Variants in BRD4 observed in about 807,000 individuals in gnomAD.
The protein encoded by BRD4 is bromodomain containing 4.
Under a neutral mutation model 142.1 loss-of-function variants are expected in BRD4, and 16 were observed. The ratio of observed to expected loss-of-function variants is 0.11; its 90% confidence interval spans 0.08 to 0.17. BRD4 has a LOEUF of 0.17. BRD4 is among the 10% of genes least tolerant of loss of function. The pLI is 1.00. For missense variants in BRD4, 1,424 were observed against 1,810.9 expected (o/e 0.79, Z 3.88); for synonymous variants, 833 against 707.5 (o/e 1.18, Z -2.82).
intron 1 of BRD4, among the ~76,000 whole-genome samples, chr19:15,306,310 C>T (rs1448681354): frequency 6.6e-6 from 1 of 152,188 alleles, no homozygotes; most frequent in African/African-American, 2.4e-5. Context: ...GCTCTGTCAT[C>T]CAGGCTGGAG....
At chr19:15,312,657 T>C (rs1460407707) in intron 1 of BRD4, among the ~76,000 whole-genome samples, 1 of 149,964 alleles carries the variant, frequency 6.7e-6, no homozygotes. Context: ...AAAAACAGGC[T>C]GTGCACGGTG....
chr19:15,255,764 G>T (rs1386843909), intron 9 of BRD4, among the ~76,000 whole-genome samples, 172 bp from the exon 10 acceptor site: 1 of 152,230 alleles, frequency 6.6e-6, no homozygotes, highest in Non-Finnish European at 1.5e-5. Context: ...ACCCAGTGGA[G>T]ACCGAAGCAA....
chr19:15,331,785 C>G (rs993749724), intron 1 of BRD4: 1 of 150,370 alleles, frequency 6.7e-6, no homozygotes, highest in Non-Finnish European at 1.5e-5. Flanking sequence ...CCTAGAGGAC[C>G]GCGGACCGGG....
Position 15,322,347 on chromosome 19 carries a change from C to T in BRD4, c.-35+9943G>A, listed in dbSNP as rs563231737. 3.7e-4 allele frequency among the ~76,000 whole-genome samples: 56 copies of T among 152,186 alleles called. No homozygotes were observed. In the East Asian group the frequency reaches 0.011, roughly 29 times the overall value. On this transcript the variant is annotated intron_variant, in intron 1 of 19. Coordinates refer to ENST00000679869, the MANE Select transcript of BRD4 (RefSeq NM_001379291.1). ...AGTGCAGTGACACGATCTCGGCTCA[C>T]TGCAAGCTCCGCCTCCCGGGTTCAC...
chr19:15,299,610 G>C (rs2047851565), intron 1 of BRD4, among the ~76,000 whole-genome samples: 1 of 152,150 alleles, frequency 6.6e-6, no homozygotes, highest in Non-Finnish European at 1.5e-5. Flanking sequence ...TCTCAATATG[G>C]ACACATGTAG....
At chr19:15,311,474 A>C (rs1462146755) in intron 1 of BRD4, among the ~76,000 whole-genome samples, 1 of 151,982 alleles carries the variant, frequency 6.6e-6, no homozygotes, top group Non-Finnish European at 1.5e-5. Flanking sequence ...TTAGTGAAGT[A>C]AGCCAGTAAC....
chr19:15,292,646 C>A (rs1287961309), intron 1 of BRD4, among the ~76,000 whole-genome samples: 1 of 151,414 alleles, frequency 6.6e-6, no homozygotes, highest in Admixed American at 6.6e-5. Flanking sequence ...GGCGTGGTGG[C>A]GGGCACCTGT....
rs373169482 is a variant in BRD4, at chr19:15,255,224, C to T, written c.2047+73G>A. The T allele has an allele frequency of 3.7e-4, 520 of 1,410,988 alleles. 7 individuals are homozygous for T. In the East Asian group the frequency reaches 5.7e-3, roughly 16 times the overall value. The allele number at this position is 1,410,988 out of a possible 1,614,324, so 87.4% of individuals were successfully genotyped here. Reference sequence around the variant, plus strand: ...AGGGGGGGGGCGCAGAAAGAGTGGACTGAGCAAGGAGGGAAAAGTTACTCT... The same window carrying T: ...AGGGGGGGGGCGCAGAAAGAGTGGATTGAGCAAGGAGGGAAAAGTTACTCT... On this transcript the variant is annotated intron_variant, in intron 10 of 19. Coordinates refer to ENST00000679869, the MANE Select transcript of BRD4 (RefSeq NM_001379291.1).
chr19:15,253,899 A>G (rs2047377133), intron 11 of BRD4: 1 of 929,056 alleles, frequency 1.1e-6, no homozygotes, highest in African/African-American at 1.6e-5. Context: ...GCCCTTGGCC[A>G]TTCATCCTCC....
rs144426938 is a variant in BRD4, at chr19:15,314,234, T to C, written c.-35+18056A>G. Among the ~76,000 whole-genome samples the C allele has an allele frequency of 3.5e-3, 528 of 152,296 alleles. 1 individual carries two copies. The highest frequency in any genetic ancestry group is 0.012 in the African/African-American group (510 of 41,560). ...TCACAAAATGGAGGACGTGAGGGTGTGGACGCATAGAATGAATGAAATGAA... is the reference window on the plus strand; with the variant it reads ...TCACAAAATGGAGGACGTGAGGGTGCGGACGCATAGAATGAATGAAATGAA... On this transcript the variant is annotated intron_variant, in intron 1 of 19. Coordinates refer to ENST00000679869, the MANE Select transcript of BRD4 (RefSeq NM_001379291.1).
intron 1 of BRD4, among the ~76,000 whole-genome samples, chr19:15,305,267 T>G (rs2047904272): frequency 6.6e-6 from 1 of 152,168 alleles, no homozygotes; most frequent in African/African-American, 2.4e-5. Flanking sequence ...GGTCTCAAAC[T>G]CCTGACCTCA....
In BRD4 at chr19:15,264,290, G is replaced by A. The variant is rs187214018; in HGVS notation, c.1212+114C>T. ...CTTCGAGTTGGCGGGAAAAATCCACGCAGCCACCGTTCCAGGGCCTGGGCT... is the reference window on the plus strand; with the variant it reads ...CTTCGAGTTGGCGGGAAAAATCCACACAGCCACCGTTCCAGGGCCTGGGCT... On this transcript the variant is annotated intron_variant, in intron 6 of 19. Transcript: ENST00000679869. 9.9e-6 allele frequency: 14 copies of A among 1,412,614 alleles called. 1 individual carries two copies. The highest frequency in any genetic ancestry group is 4.3e-4 in the Middle Eastern group (2 of 4,660). The allele number at this position is 1,412,614 out of a possible 1,614,324, so 87.5% of individuals were successfully genotyped here.
In BRD4 at chr19:15,273,150, G is replaced by A; in HGVS notation, c.-34-17C>T. On this transcript the variant is annotated splice_polypyrimidine_tract_variant and intron_variant, in intron 1 of 19. Transcript: ENST00000679869. Reference sequence around the variant, plus strand: ...CCAGGCACTCTACAAAGGAAGAGAAGAGCCCCCGTGAGATATCAGTCAGCA... The same window carrying A: ...CCAGGCACTCTACAAAGGAAGAGAAAAGCCCCCGTGAGATATCAGTCAGCA... The A allele has an allele frequency of 2.0e-6, 3 of 1,528,120 alleles. No homozygotes were observed. Among genetic ancestry groups the A allele is most frequent in the Non-Finnish European group, 2.6e-6 (3 of 1,136,944 alleles). The allele number at this position is 1,528,120 out of a possible 1,614,324, so 94.7% of individuals were successfully genotyped here.
chr19:15,259,332 T>C (rs949786666), intron 7 of BRD4, among the ~76,000 whole-genome samples: 1 of 152,214 alleles, frequency 6.6e-6, no homozygotes, highest in African/African-American at 2.4e-5. Flanking sequence ...AACTGGTCTG[T>C]AAGCCTGGGC....
intron 11 of BRD4, chr19:15,253,118 C>T (rs1364528863): frequency 3.8e-6 from 1 of 262,486 alleles, no homozygotes; most frequent in East Asian, 5.8e-5. Context: ...ACTCCCCAGT[C>T]TGCCTGAGAC....
rs199609038 is a variant in BRD4 at position 15,273,083 on chromosome 19, C to G, written c.17G>C (p.Gly6Ala). The change falls in exon 2 of 20, where the codon GGC (glycine) becomes GCC (alanine). Residue 6 changes from glycine to alanine, a missense_variant. By Grantham distance (60) the Gly-to-Ala change is moderately conservative. This residue lies in a region of BRD4 where 70 missense variants were observed against 69.8 expected (regional missense o/e 1.00). Coordinates refer to ENST00000679869, the MANE Select transcript of BRD4 (RefSeq NM_001379291.1). MSAES[G>A]PGTRLRNLPV... ...CAGATTTCTCAATCTCGTCCCAGGG[C>G]CGCTCTCCGCAGACATGCTAGTGAT... is the stretch of plus-strand genomic sequence containing the variant. 1.5e-5 allele frequency: 24 copies of G among 1,598,024 alleles called. No individual in the cohort carries two copies. The highest frequency in any genetic ancestry group is 5.1e-5 in the Admixed American group (3 of 59,282).
In BRD4 at chr19:15,254,184, G is replaced by C. The variant is rs2145565916; in HGVS notation, c.2126C>G (p.Ser709Cys). The C allele has an allele frequency of 6.2e-7, 1 of 1,614,192 alleles. No homozygotes were observed. The highest frequency in any genetic ancestry group is 2.2e-5 in the East Asian group (1 of 44,884). Residue 709 changes from serine (S) to cysteine (C), a missense_variant, in exon 11 of 20, where the codon TCC becomes TGC. Physicochemically the swap from Ser to Cys is moderately radical, Grantham distance 112 (BLOSUM62 -1). Coordinates refer to ENST00000679869, the MANE Select transcript of BRD4 (RefSeq NM_001379291.1). ...GGAGTCTTCGCTGTCAGAGGAGCTG[G>C]ACTCACTGGAGCTCTCCGACTCTGA... ...SSSESESSSE[S>C]SSSDSEDSET...
chr19:15,243,488 C>A lies in BRD4; in HGVS notation c.2582-1G>T. The A allele has an allele frequency of 6.4e-7, 1 of 1,553,802 alleles. No homozygotes were observed. Among genetic ancestry groups the A allele is most frequent in the South Asian group, 1.2e-5 (1 of 81,174 alleles). ...TGCTGGGGTAGTGCGTTGTGCAAAG[C>A]TGGAAGAACACAACACCGAGGCGGT... On this transcript the variant is annotated splice_acceptor_variant, in intron 13 of 19. Coordinates refer to ENST00000679869, the MANE Select transcript of BRD4 (RefSeq NM_001379291.1). LOFTEE classifies it high-confidence loss of function.
chr19:15,238,145 G>A lies in BRD4; in HGVS notation c.*232C>T, dbSNP rs200067207. On this transcript the variant is annotated 3_prime_UTR_variant, in exon 20 of 20. Transcript: ENST00000679869. The surrounding 1 kb of genome is among the most constrained non-coding windows in gnomAD (Gnocchi z 7.2). ...TTGCTCGTAACAAGGCGTGTGCTGAGCGGACGTCCTGTGAGGGGTGGTGGG... is the reference window on the plus strand; with the variant it reads ...TTGCTCGTAACAAGGCGTGTGCTGAACGGACGTCCTGTGAGGGGTGGTGGG... 6.7e-6 allele frequency: 4 copies of A among 598,660 alleles called. No individual in the cohort carries two copies. The highest frequency in any genetic ancestry group is 1.2e-5 in the Non-Finnish European group (4 of 346,772). The allele number at this position is 598,660 out of a possible 1,614,324, so 37.1% of individuals were successfully genotyped here. A position where few individuals can be genotyped will look rare whatever the true frequency, so the allele number is the denominator to read the frequency against.
Sources: gnomAD v4.1 joint callset for allele counts (sites outside exome capture counted in the v4.1 genomes callset) on GRCh38, gnomAD v4.1.1 for gene constraint, gnomAD v4.1.1 regional missense constraint, Gnocchi (gnomAD v3.1) non-coding constraint, MANE v1.5 for transcripts, NCBI Gene and HGNC (gene_info 2026-07-23, HGNC 2026-07-21) for gene names.